HYDIN: variants seen among roughly 807,000 people sequenced by gnomAD.
HYDIN encodes the protein axonemal central pair apparatus protein HYDIN.
In HYDIN, 132 loss-of-function variants were observed where a neutral mutation model predicts 403.9. The ratio of observed to expected loss-of-function variants is 0.33; its 90% CI spans 0.28 to 0.38. The LOEUF (loss-of-function observed/expected upper bound fraction) is 0.38. HYDIN is among the 10% of genes least tolerant of loss of function. The pLI is 1.00. For missense variants in HYDIN, 2,827 were observed against 5,009.5 expected (o/e 0.56, Z 13.15); for synonymous variants, 1,202 against 1,891.7 (o/e 0.64, Z 9.46).
Position 71,178,923 on chromosome 16 carries a change from C to T in HYDIN, c.381+5G>A. ...CAGTTCACCCACCCCAGTGAACATA[C>T]TCACTTTGTCATTGTTCCTCAAAAT... On this transcript the variant is annotated splice_donor_5th_base_variant and intron_variant, in intron 4 of 85. Transcript: ENST00000393567. 1 of 1,609,454 alleles carries T rather than the reference C, an allele frequency of 6.2e-7. No individual in the cohort carries two copies. The highest frequency in any genetic ancestry group is 8.5e-7 in the Non-Finnish European group (1 of 1,177,814).
At chr16:70,868,019 C>A (rs1281144238) in intron 66 of HYDIN, among the ~76,000 whole-genome samples, 1 of 152,060 alleles carries the variant, frequency 6.6e-6, no homozygotes, top group African/African-American at 2.4e-5. Context: ...AAAACAAAAA[C>A]CAAGGGAGTA....
At chr16:71,198,369 ATATC>A (rs764023662) in intron 1 of HYDIN, among the ~76,000 whole-genome samples, 3 of 152,208 alleles carry the variant, frequency 2.0e-5, no homozygotes, top group Non-Finnish European at 2.9e-5. Flanking sequence ...ATCAGAGTCT[ATATC>A]TAGGAAAGAA....
intron 9 of HYDIN, among the ~76,000 whole-genome samples, chr16:71,124,726 AAAGC>A (rs1484042372): frequency 6.6e-6 from 1 of 152,132 alleles, no homozygotes; most frequent in African/African-American, 2.4e-5. Context: ...AGTCCATCAG[AAAGC>A]AAGGTGGTCT....
chr16:71,016,884 G>A (rs2080276644), intron 23 of HYDIN, among the ~76,000 whole-genome samples: 1 of 152,058 alleles, frequency 6.6e-6, no homozygotes, highest in South Asian at 2.1e-4. Context: ...GATACTGCAT[G>A]ACGTGGTTTG....
In HYDIN at chr16:70,818,486, G is replaced by C. The variant is rs569371039; in HGVS notation, c.14514C>G (p.Ile4838Met). 6.9e-7 allele frequency: 1 copy of C among 1,456,268 alleles called. No individual in the cohort carries two copies. The highest frequency in any genetic ancestry group is 9.5e-7 in the Non-Finnish European group (1 of 1,051,798). 90.2% of individuals were successfully genotyped at this position (1,456,268 alleles called of 1,614,324 possible). The change falls in exon 84 of 86, where the codon ATC becomes ATG. Residue 4838 changes from isoleucine (I) to methionine (M), a missense_variant. Transcript: ENST00000393567. ...CTTGCCGGACTGGGGTCACCATCTC[G>C]ATGGTTTTGATGATGCCTGAAGGGA... is the stretch of plus-strand genomic sequence containing the variant. Reference protein sequence around the residue: ...RVIPSGIIKTIEMVTPVRQVA... With the variant: ...RVIPSGIIKTMEMVTPVRQVA...
At chr16:71,138,032 A>C (rs2085003933) in intron 7 of HYDIN, among the ~76,000 whole-genome samples, 2 of 150,988 alleles carry the variant, frequency 1.3e-5, no homozygotes, top group African/African-American at 4.9e-5. Flanking sequence ...TATTAGGAAT[A>C]TCTTTATTCA....
chr16:70,824,083 G>A (rs1284919222), intron 83 of HYDIN, among the ~76,000 whole-genome samples: 3 of 151,854 alleles, frequency 2.0e-5, no homozygotes, highest in Non-Finnish European at 4.4e-5. Context: ...AGTGGGAGGA[G>A]TATAAAATGG....
intron 21 of HYDIN, among the ~76,000 whole-genome samples, chr16:71,023,920 T>C (rs1476548048): frequency 6.6e-6 from 1 of 152,188 alleles, no homozygotes; most frequent in South Asian, 2.1e-4. Context: ...TGATACCTCA[T>C]GACTGGTTAG....
intron 3 of HYDIN, among the ~76,000 whole-genome samples, chr16:71,180,802 T>C (rs2086869386): frequency 6.6e-6 from 1 of 152,116 alleles, no homozygotes; most frequent in African/African-American, 2.4e-5. Context: ...ATTTCAAAAA[T>C]TCAAAATAAC....
intron 8 of HYDIN, among the ~76,000 whole-genome samples, chr16:71,133,600 T>C (rs1289649488): frequency 6.6e-6 from 1 of 152,226 alleles, no homozygotes; most frequent in East Asian, 1.9e-4. Context: ...GGAGCTCTTG[T>C]ACAGAGCAAA....
intron 45 of HYDIN, among the ~76,000 whole-genome samples, chr16:70,925,579 G>A (rs954730802): frequency 1.3e-5 from 2 of 152,034 alleles, no homozygotes; most frequent in Admixed American, 1.3e-4. Flanking sequence ...AACACCAAAA[G>A]CAATGGCAAC....
intron 10 of HYDIN, among the ~76,000 whole-genome samples, chr16:71,105,084 TGAAG>T (rs2083572187): frequency 6.7e-6 from 1 of 150,252 alleles, no homozygotes; most frequent in Non-Finnish European, 1.5e-5. Context: ...GAAAGCATAA[TGAAG>T]GAATAAAATA....
chr16:70,947,163 A>T (rs1324165470), intron 41 of HYDIN, among the ~76,000 whole-genome samples: 1 of 149,462 alleles, frequency 6.7e-6, no homozygotes, highest in Admixed American at 6.7e-5. Context: ...TCAGTATGAT[A>T]TTGGCTGTGG....
chr16:71,175,814 A>AC, intron 4 of HYDIN, 73 bp from the exon 5 acceptor site: 1 of 1,474,646 alleles, frequency 6.8e-7, no homozygotes, highest in Non-Finnish European at 9.5e-7. Context: ...GAAATCCATC[A>AC]ACTACTTACT....
Position 71,069,370 on chromosome 16 carries a change from C to A in HYDIN, c.1871G>T (p.Arg624Ile). 6.2e-7 allele frequency: 1 copy of A among 1,614,190 alleles called. No individual in the cohort carries two copies. The highest frequency in any genetic ancestry group is 8.5e-7 in the Non-Finnish European group (1 of 1,180,028). ...SYCEQHVDYK[R>I]PSWTKEEISS... ...TATTTCTTCCTTGGTCCAAGATGGT[C>A]TTTTGTAGTCCACATGCTGCTCACA... Residue 624 changes from arginine to isoleucine, a missense_variant, in exon 14 of 86, where the codon AGA (arginine) becomes ATA (isoleucine). Coordinates refer to ENST00000393567, the MANE Select transcript of HYDIN (RefSeq NM_001270974.2).
chr16:70,829,516 G>A, intron 81 of HYDIN, 102 bp downstream of exon 81: 1 of 845,570 alleles, frequency 1.2e-6, no homozygotes, highest in Non-Finnish European at 1.9e-6. Context: ...TTACAGGCAT[G>A]AGCCACCACG....
chr16:70,908,507 G>C, intron 48 of HYDIN, 73 bp from the exon 49 acceptor site: 1 of 1,431,176 alleles, frequency 7.0e-7, no homozygotes, highest in East Asian at 2.5e-5. Flanking sequence ...AGAGCTGCCT[G>C]GAAGTCCTGT....
chr16:70,986,618 G>A (rs370906045), intron 27 of HYDIN, among the ~76,000 whole-genome samples: 3 of 152,060 alleles, frequency 2.0e-5, no homozygotes, highest in African/African-American at 4.8e-5. Flanking sequence ...TATGGTCTCC[G>A]AGTGCATAAC....
intron 18 of HYDIN, among the ~76,000 whole-genome samples, chr16:71,056,960 C>T (rs1196615591): frequency 7.4e-6 from 1 of 134,804 alleles, no homozygotes; most frequent in Non-Finnish European, 1.6e-5. Flanking sequence ...CTGAAATAAG[C>T]GTTTAATTTT....
Sources: gnomAD v4.1 joint callset for allele counts (sites outside exome capture counted in the v4.1 genomes callset) on GRCh38, gnomAD v4.1.1 for gene constraint, MANE v1.5 for transcripts, NCBI Gene and HGNC (gene_info 2026-07-23, HGNC 2026-07-21) for gene names.